The following RELN variants were observed in gnomAD, a reference collection of about 807,000 sequenced individuals.
RELN encodes reelin.
In RELN, 108 loss-of-function variants were observed where a neutral mutation model predicts 427.6. That is an observed-to-expected ratio of 0.25 (90% CI 0.22 to 0.30). The LOEUF is 0.30. Ranked by LOEUF, RELN falls within the 10% of genes least tolerant of loss-of-function variation. RELN has a pLI of 1.00. For synonymous variants in RELN, 1,524 were observed against 1,513.4 expected (o/e 1.01, Z -0.16); for missense variants, 3,715 against 4,302.8 (o/e 0.86, Z 3.82).
intron 53 of RELN, among the ~76,000 whole-genome samples, chr7:103,499,470 TATC>T (rs1828949474): frequency 6.6e-6 from 1 of 152,192 alleles, no homozygotes; most frequent in Non-Finnish European, 1.5e-5. Flanking sequence ...GATGAAAAGA[TATC>T]ATAAAGCCAA....
At chr7:103,554,557 A>G in intron 38 of RELN, among the ~76,000 whole-genome samples, 1 of 136,088 alleles carries the variant, frequency 7.3e-6, no homozygotes. Context: ...GCAACAGAGC[A>G]AGATGCTGTC....
intron 4 of RELN, 23 bp downstream of exon 4, chr7:103,776,534 A>T: frequency 6.2e-7 from 1 of 1,613,598 alleles, no homozygotes. Flanking sequence ...ACATAACACA[A>T]ACAAATCAAA....
intron 3 of RELN, among the ~76,000 whole-genome samples, chr7:103,819,233 A>G (rs985893265): frequency 3.3e-5 from 5 of 152,060 alleles, no homozygotes; most frequent in Non-Finnish European, 7.4e-5. Flanking sequence ...TTAAAAATCA[A>G]CTCTATTTAT....
chr7:103,848,211 C>G (rs925810883), intron 2 of RELN, among the ~76,000 whole-genome samples: 22 of 152,104 alleles, frequency 1.4e-4, no homozygotes, highest in Admixed American at 8.5e-4. Context: ...ATCTCCAGAT[C>G]ATTTACCTGT....
chr7:103,933,997 T>C (rs1418698652), intron 1 of RELN, among the ~76,000 whole-genome samples: 2 of 152,190 alleles, frequency 1.3e-5, no homozygotes, highest in Non-Finnish European at 2.9e-5. Context: ...CATGAGATGA[T>C]GAGAAACAGC....
intron 58 of RELN, 123 bp from the exon 59 acceptor site, chr7:103,490,952 A>G (rs752061385): frequency 1.0e-4 from 86 of 832,218 alleles, no homozygotes; most frequent in Non-Finnish European, 1.5e-4. Context: ...CCTGTTTTCT[A>G]TAAACATTTA....
At chr7:103,797,024 T>C (rs982161855) in intron 3 of RELN, among the ~76,000 whole-genome samples, 1 of 152,186 alleles carries the variant, frequency 6.6e-6, no homozygotes, top group South Asian at 2.1e-4. Flanking sequence ...AGAATATTAA[T>C]TGATCTCTCC....
At chr7:103,518,105 C>T (rs1584258161) in intron 49 of RELN, among the ~76,000 whole-genome samples, 1 of 152,068 alleles carries the variant, frequency 6.6e-6, no homozygotes, top group Admixed American at 6.6e-5. Context: ...GTCACTGGTG[C>T]TTGCGGAGCC....
chr7:103,552,431 T>C (rs1417329001), intron 40 of RELN, among the ~76,000 whole-genome samples: 3 of 152,048 alleles, frequency 2.0e-5, no homozygotes, highest in African/African-American at 7.2e-5. Context: ...ACATAACTTT[T>C]AACTTCTGAT....
chr7:103,904,008 C>G (rs1422219858), intron 2 of RELN, among the ~76,000 whole-genome samples: 1 of 152,056 alleles, frequency 6.6e-6, no homozygotes. Flanking sequence ...TACCTTCACT[C>G]CCCACCCCCG....
At chr7:103,982,881 G>C (rs190608233) in intron 1 of RELN, among the ~76,000 whole-genome samples, 91 of 152,224 alleles carry the variant, frequency 6.0e-4, no homozygotes, top group Non-Finnish European at 5.9e-4. Context: ...GGCTGGTCTT[G>C]AAATCCTGGG....
intron 64 of RELN, among the ~76,000 whole-genome samples, chr7:103,474,006 A>AG (rs1215387631): frequency 4.6e-5 from 7 of 152,088 alleles, no homozygotes; most frequent in Admixed American, 4.6e-4. Flanking sequence ...AGGGTAGGAG[A>AG]GGGGGGAAAG....
intron 4 of RELN, among the ~76,000 whole-genome samples, chr7:103,771,345 G>A (rs1791564739): frequency 6.6e-6 from 1 of 151,908 alleles, no homozygotes; most frequent in African/African-American, 2.4e-5. Context: ...CACCTCAGAG[G>A]CTTGCCTCTT....
At chr7:103,500,192 G>A (rs1371485678) in intron 53 of RELN, among the ~76,000 whole-genome samples, 2 of 152,082 alleles carry the variant, frequency 1.3e-5, no homozygotes, top group East Asian at 1.9e-4. Context: ...AACTGTATTT[G>A]CTTTGCATAT....
intron 6 of RELN, among the ~76,000 whole-genome samples, chr7:103,745,904 T>C (rs1181272800): frequency 6.6e-6 from 1 of 152,162 alleles, no homozygotes; most frequent in African/African-American, 2.4e-5. Flanking sequence ...TTCACAGAAC[T>C]GGAAAACACT....
chr7:103,869,475 C>T (rs1159682455), intron 2 of RELN, among the ~76,000 whole-genome samples: 3 of 151,978 alleles, frequency 2.0e-5, no homozygotes. Flanking sequence ...TCAGCTTTCA[C>T]TTATTCAAAA....
intron 8 of RELN, among the ~76,000 whole-genome samples, chr7:103,718,612 C>G (rs1355354): frequency 0.25 from 37,670 of 151,954 alleles, 4,813 homozygotes; most frequent in South Asian, 0.38. Context: ...CCCCCTCTTG[C>G]CATGAAATGT....
At chr7:103,971,230 G>T (rs1584410811) in intron 1 of RELN, among the ~76,000 whole-genome samples, 1 of 150,728 alleles carries the variant, frequency 6.6e-6, no homozygotes, top group Admixed American at 6.6e-5. Flanking sequence ...TGATTCCAGA[G>T]ATCATACTAT....
chr7:103,727,815 G>A (rs1178779287), intron 7 of RELN, among the ~76,000 whole-genome samples: 1 of 152,020 alleles, frequency 6.6e-6, no homozygotes, highest in East Asian at 1.9e-4. Flanking sequence ...GTCATAAATT[G>A]TTTATTATGG....
Sources: gnomAD v4.1 joint callset for allele counts (sites outside exome capture counted in the v4.1 genomes callset) on GRCh38, gnomAD v4.1.1 for gene constraint, MANE v1.5 for transcripts, NCBI Gene and HGNC (gene_info 2026-07-23, HGNC 2026-07-21) for gene names.